Variants in FRMPD1 observed in about 807,000 individuals in gnomAD.
FRMPD1 encodes the protein FERM and PDZ domain-containing protein 1.
Under a neutral mutation model 117.8 loss-of-function variants are expected in FRMPD1, and 76 were observed. The observed-to-expected ratio is 0.65, with a 90% confidence interval of 0.54 to 0.78. FRMPD1 has a LOEUF of 0.78. FRMPD1 is among the 30% of genes least tolerant of loss of function. The pLI, the probability that FRMPD1 is intolerant of heterozygous loss-of-function variation, is 0.00. For missense variants in FRMPD1, 1,786 were observed against 1,964.5 expected (o/e 0.91, Z 1.72); for synonymous variants, 783 against 770.4 (o/e 1.02, Z -0.27).
At chr9:37,636,940 C>T in the FRMPD1 span, 3 of 1,607,014 alleles carry the variant, frequency 1.9e-6, no homozygotes, top group East Asian at 2.2e-5. Flanking sequence ...TGTTGCCCAC[C>T]AGGAGCTTAT....
chr9:37,729,710 C>T lies in FRMPD1; in HGVS notation c.613-18C>T, dbSNP rs1369930561. 1 of 1,612,762 alleles carries T rather than the reference C, an allele frequency of 6.2e-7. No homozygotes were observed. The highest frequency in any genetic ancestry group is 1.1e-5 in the South Asian group (1 of 90,926). On this transcript the variant is annotated intron_variant, in intron 7 of 15. Transcript: ENST00000377765. Reference sequence around the variant, plus strand: ...TCCTGTTTCTTGCGTAACTCCTGCACCTCTCTGTGCCTGCTAGGACATCAT... The same window carrying T: ...TCCTGTTTCTTGCGTAACTCCTGCATCTCTCTGTGCCTGCTAGGACATCAT...
chr9:37,681,966 G>A (rs549289722), intron 1 of FRMPD1, among the ~76,000 whole-genome samples: 1 of 152,350 alleles, frequency 6.6e-6, no homozygotes, highest in East Asian at 1.9e-4. Flanking sequence ...TCTGTGATTG[G>A]GGAACCTGGT....
chr9:37,629,686 T>C, the FRMPD1 span, among the ~76,000 whole-genome samples: 1 of 152,210 alleles, frequency 6.6e-6, no homozygotes, highest in African/African-American at 2.4e-5. Context: ...TTCAGTGCTT[T>C]TTAAAAAAAA....
intron 3 of FRMPD1, 120 bp from the exon 4 acceptor site, chr9:37,708,279 G>A (rs929266067): frequency 4.0e-5 from 26 of 657,950 alleles, no homozygotes; most frequent in Admixed American, 9.4e-5. Flanking sequence ...GACTGAAGGC[G>A]GGGGAGTGAG....
Position 37,740,131 on chromosome 9 carries a change from G to C in FRMPD1, c.1603G>C (p.Val535Leu). ...DSEESSEVDC[V>L]LEPLSDRRLV... is the part of the protein sequence containing the mutation. ...AGAGGAGTCCTCTGAGGTGGACTGC[G>C]TACTCGAACCTCTCTCTGACAGGCG... Residue 535 changes from valine (V) to leucine (L), a missense_variant, in exon 15 of 16, where the codon GTA (valine) becomes CTA (leucine). Val to Leu is a conservative substitution (Grantham distance 32, BLOSUM62 1). Transcript: ENST00000377765. The surrounding 1 kb of genome is among the most constrained non-coding windows in gnomAD (Gnocchi z 4.2). 1.2e-6 allele frequency: 2 copies of C among 1,613,724 alleles called. No homozygotes were observed. The highest frequency in any genetic ancestry group is 2.2e-5 in the East Asian group (1 of 44,874).
At chr9:37,645,378 G>C in the FRMPD1 span, among the ~76,000 whole-genome samples, 1 of 151,978 alleles carries the variant, frequency 6.6e-6, no homozygotes, top group African/African-American at 2.4e-5. Flanking sequence ...CAATAGATTC[G>C]AATACCAGTT....
chr9:37,664,719 T>G (rs75260012), intron 1 of FRMPD1, among the ~76,000 whole-genome samples: 3,730 of 152,216 alleles, frequency 0.025, 160 homozygotes, highest in African/African-American at 0.085. Context: ...AAAACCTGAC[T>G]CTGGAATAAT....
At chr9:37,630,904 T>C in the FRMPD1 span, among the ~76,000 whole-genome samples, 1 of 152,194 alleles carries the variant, frequency 6.6e-6, no homozygotes, top group South Asian at 2.1e-4. Flanking sequence ...AGGCAATGAT[T>C]AGTGTTCTGG....
intron 1 of FRMPD1, among the ~76,000 whole-genome samples, chr9:37,684,283 G>A (rs1821844481): frequency 6.6e-6 from 1 of 152,230 alleles, no homozygotes; most frequent in Non-Finnish European, 1.5e-5. Context: ...TGTGTGCTTA[G>A]CCAGGTGACT....
At chr9:37,679,022 T>C (rs1197846191) in intron 1 of FRMPD1, among the ~76,000 whole-genome samples, 1 of 151,914 alleles carries the variant, frequency 6.6e-6, no homozygotes, top group Non-Finnish European at 1.5e-5. Context: ...GACCTAGAGG[T>C]GATCCCCCTT....
intron 7 of FRMPD1, among the ~76,000 whole-genome samples, chr9:37,724,954 G>A (rs1014239715): frequency 5.3e-5 from 8 of 152,200 alleles, no homozygotes; most frequent in Admixed American, 2.0e-4. Flanking sequence ...CAAGGCATGG[G>A]AAAGAAGCTG....
the FRMPD1 span, among the ~76,000 whole-genome samples, chr9:37,609,225 G>C: frequency 6.6e-6 from 1 of 152,036 alleles, no homozygotes; most frequent in African/African-American, 2.4e-5. Context: ...CTGGGAGGCG[G>C]AGTTTGCGGT....
At chr9:37,666,409 C>T (rs1290121965) in intron 1 of FRMPD1, among the ~76,000 whole-genome samples, 1 of 152,126 alleles carries the variant, frequency 6.6e-6, no homozygotes, top group Non-Finnish European at 1.5e-5. Context: ...ACCCCGATAC[C>T]TCCACTTTAT....
Position 37,746,527 on chromosome 9 carries a change from C to T in FRMPD1, c.4495C>T (p.Gln1499Ter). The T allele has an allele frequency of 3.1e-6, 5 of 1,613,694 alleles. No homozygotes were observed. The highest frequency in any genetic ancestry group is 4.2e-6 in the Non-Finnish European group (5 of 1,179,986). ...AVRDTFQHLV[Q>*]LAGLCFQFTD... The stretch of plus-strand genomic sequence containing the variant: ...GCGTGACACCTTCCAGCACCTGGTC[C>T]AGCTGGCCGGCCTGTGCTTTCAGTT... The change falls in exon 16 of 16, where the codon CAG becomes TAG. Residue 1499 changes from glutamine to a stop codon, truncating the protein, a stop_gained. Transcript: ENST00000377765. LOFTEE classifies it high-confidence loss of function.
In FRMPD1 at chr9:37,717,369, G is replaced by GTGTGTATA. The variant is rs1407798527; in HGVS notation, c.409-1699_409-1698insGTGTATAT. 7.0e-3 allele frequency among the ~76,000 whole-genome samples: 658 copies of GTGTGTATA among 94,080 alleles called. 9 individuals carry two copies. Among genetic ancestry groups the GTGTGTATA allele is most frequent in the African/African-American group, 0.027 (634 of 23,430 alleles). 61.7% of individuals were successfully genotyped at this position (94,080 alleles called of 152,430 possible). Reference sequence around the variant, plus strand: ...TGTGTGTGTGTGTGTGTGTGTGTGTGTATATATATATATTTTTTTTTTTTT... The same window carrying GTGTGTATA: ...TGTGTGTGTGTGTGTGTGTGTGTGTGTGTGTATATATATATATATATTTTTTTTTTTTT... On this transcript the variant is annotated intron_variant, in intron 5 of 15. Transcript: ENST00000377765.
chr9:37,603,955 A>C, the FRMPD1 span, among the ~76,000 whole-genome samples: 1 of 152,176 alleles, frequency 6.6e-6, no homozygotes, highest in Non-Finnish European at 1.5e-5. Flanking sequence ...CTGGGATTAC[A>C]GGAGTGAGCC....
intron 5 of FRMPD1, among the ~76,000 whole-genome samples, chr9:37,712,392 G>A (rs112903197): frequency 0.01 from 1,555 of 152,234 alleles, 25 homozygotes; most frequent in African/African-American, 0.034. Flanking sequence ...TCTCACTCCC[G>A]TCGTGCAGAC....
At chr9:37,650,687 C>G (rs1451774238), upstream of FRMPD1, among the ~76,000 whole-genome samples, 4 of 152,146 alleles carry the variant, frequency 2.6e-5, no homozygotes, top group Non-Finnish European at 2.9e-5. Flanking sequence ...CAGTCTCCCC[C>G]CTGGGTACTC....
rs1443581981 is a variant in FRMPD1 at position 37,746,394 on chromosome 9, C to G, written c.4362C>G (p.His1454Gln). ...NKHPPEKCTW[H>Q]FTESRSRLCM... ...ATCCCCCAGAGAAGTGCACCTGGCA[C>G]TTTACCGAAAGCCGGAGCCGCCTCT... Residue 1454 changes from histidine to glutamine, a missense_variant, in exon 16 of 16, where the codon CAC becomes CAG. Physicochemically the swap from His to Gln is conservative, Grantham distance 24. Coordinates refer to ENST00000377765, the MANE Select transcript of FRMPD1 (RefSeq NM_014907.3). The G allele has an allele frequency of 6.2e-7, 1 of 1,612,972 alleles. No individual in the cohort carries two copies. Among genetic ancestry groups the G allele is most frequent in the Non-Finnish European group, 8.5e-7 (1 of 1,179,878 alleles).
Sources: allele counts gnomAD v4.1 joint callset (sites outside exome capture counted in the v4.1 genomes callset), GRCh38; gene constraint gnomAD v4.1.1; non-coding constraint Gnocchi (gnomAD v3.1); transcripts MANE v1.5; gene names NCBI Gene and HGNC (gene_info 2026-07-23, HGNC 2026-07-21).